Variants in HSF2BP observed in about 807,000 individuals in gnomAD.
The protein encoded by HSF2BP is heat shock factor 2-binding protein.
A neutral mutation model predicts 35.0 loss-of-function variants in HSF2BP; 35 were observed. The ratio of observed to expected loss-of-function variants is 1.00; its 90% confidence interval spans 0.76 to 1.32. The LOEUF is 1.32. Ranked by LOEUF, HSF2BP falls within the 40% of genes most tolerant of loss-of-function variation. The probability of loss-of-function intolerance (pLI) is 0.00; values close to 1 mark genes in which losing one functional copy is unlikely to be tolerated. For synonymous variants in HSF2BP, 114 were observed against 117.4 expected (o/e 0.97, Z 0.18); for missense variants, 326 against 321.7 (o/e 1.01, Z -0.10).
At chr21:43,630,497 C>T (rs748388677) in intron 5 of HSF2BP, 43 bp from the exon 6 acceptor site, 10 of 1,576,240 alleles carry the variant, frequency 6.3e-6, no homozygotes, top group Middle Eastern at 1.7e-4. Context: ...TTTACAGACA[C>T]TAGTGTGAAA....
intron 6 of HSF2BP, among the ~76,000 whole-genome samples, chr21:43,628,172 C>T (rs1320649692): frequency 2.0e-5 from 3 of 152,192 alleles, no homozygotes; most frequent in Non-Finnish European, 4.4e-5. Flanking sequence ...AGATACATAT[C>T]TGAAAGCAAA....
intron 8 of HSF2BP, among the ~76,000 whole-genome samples, chr21:43,579,674 C>G (rs889454981): frequency 6.6e-6 from 1 of 152,160 alleles, no homozygotes; most frequent in African/African-American, 2.4e-5. Flanking sequence ...CCTAAGCCAC[C>G]CTTGTGCCTG....
intron 7 of HSF2BP, among the ~76,000 whole-genome samples, chr21:43,594,612 C>T (rs1011671582): frequency 6.6e-6 from 1 of 151,500 alleles, no homozygotes; most frequent in African/African-American, 2.4e-5. Context: ...ATCTTAGTGA[C>T]TTTGAAAGAA....
intron 7 of HSF2BP, among the ~76,000 whole-genome samples, chr21:43,599,867 C>CAA (rs11379827): frequency 0.012 from 1,561 of 132,462 alleles, 19 homozygotes; most frequent in Middle Eastern, 0.042. Flanking sequence ...CTTCCAATGA[C>CAA]AAAAAAAAAA....
At chr21:43,657,804 G>T (rs979334094) in intron 2 of HSF2BP, 9 of 981,912 alleles carry the variant, frequency 9.2e-6, no homozygotes, top group Non-Finnish European at 1.1e-5. Context: ...TCCCATGCCC[G>T]CTTTGGCGCC....
chr21:43,584,422 C>G (rs899071031), intron 8 of HSF2BP, among the ~76,000 whole-genome samples: 2 of 152,176 alleles, frequency 1.3e-5, no homozygotes, highest in African/African-American at 4.8e-5. Context: ...TTTTATTCAG[C>G]CTTTTTATTC....
At chr21:43,588,470 T>C (rs759420757) in intron 8 of HSF2BP, among the ~76,000 whole-genome samples, 2 of 151,772 alleles carry the variant, frequency 1.3e-5, no homozygotes, top group East Asian at 1.9e-4. Context: ...GTAGCGTTGT[T>C]GGGAAACAGG....
chr21:43,650,113 T>C (rs1444317862), intron 3 of HSF2BP, among the ~76,000 whole-genome samples: 1 of 152,256 alleles, frequency 6.6e-6, no homozygotes, highest in Non-Finnish European at 1.5e-5. Context: ...TACTTACTGA[T>C]TTTATAAGTC....
chr21:43,656,753 G>T lies in HSF2BP; in HGVS notation c.37-16C>A. On this transcript the variant is annotated splice_polypyrimidine_tract_variant and intron_variant, in intron 2 of 8. Coordinates refer to ENST00000291560, the MANE Select transcript of HSF2BP (RefSeq NM_007031.2). Reference sequence around the variant, plus strand: ...TTCCCATGTGCTAAAAGAACAAGCAGATCTTATTATATTTCTCTTCACATG... The same window carrying T: ...TTCCCATGTGCTAAAAGAACAAGCATATCTTATTATATTTCTCTTCACATG... The T allele has an allele frequency of 6.3e-7, 1 of 1,596,314 alleles. No individual in the cohort carries two copies. Among genetic ancestry groups the T allele is most frequent in the African/African-American group, 1.4e-5 (1 of 73,864 alleles).
intron 8 of HSF2BP, among the ~76,000 whole-genome samples, chr21:43,587,877 T>C (rs2081875466): frequency 6.6e-6 from 1 of 152,084 alleles, no homozygotes; most frequent in Admixed American, 6.6e-5. Flanking sequence ...AAGATGAAAC[T>C]CATTACAATT....
intron 6 of HSF2BP, among the ~76,000 whole-genome samples, chr21:43,618,763 C>T (rs1351311407): frequency 2.0e-5 from 3 of 149,950 alleles, no homozygotes; most frequent in African/African-American, 4.9e-5. Context: ...GGTGAAACCC[C>T]GTCTCTACTA....
intron 8 of HSF2BP, among the ~76,000 whole-genome samples, chr21:43,589,322 C>T (rs937595462): frequency 3.9e-5 from 6 of 152,192 alleles, no homozygotes; most frequent in Non-Finnish European, 8.8e-5. Context: ...GCTCTTAACA[C>T]ATGAAGAAAC....
intron 7 of HSF2BP, among the ~76,000 whole-genome samples, chr21:43,595,665 A>G (rs1264715233): frequency 6.6e-6 from 1 of 151,842 alleles, no homozygotes; most frequent in Non-Finnish European, 1.5e-5. Flanking sequence ...CTCAAAAATA[A>G]TAACTAAAAA....
chr21:43,619,469 A>G (rs1171950382), intron 6 of HSF2BP, among the ~76,000 whole-genome samples: 4 of 152,240 alleles, frequency 2.6e-5, no homozygotes, highest in African/African-American at 9.6e-5. Flanking sequence ...ATCAGCAGCA[A>G]TATCCCAGAA....
At chr21:43,581,880 GATGAGGGCCTGCTGTGGGGA>G (rs975298690) in intron 8 of HSF2BP, among the ~76,000 whole-genome samples, 1 of 41,508 alleles carries the variant, frequency 2.4e-5, no homozygotes, top group Non-Finnish European at 5.1e-5. Flanking sequence ...TGCTGTGGGG[GATGAGGGCCTGCTGTGGGGA>G]ATGAGGCCCT....
chr21:43,632,271 TCCC>T (rs1364461461), intron 5 of HSF2BP, among the ~76,000 whole-genome samples: 1 of 9,914 alleles, frequency 1.0e-4, no homozygotes, highest in Non-Finnish European at 1.6e-4. Flanking sequence ...ACACACACGC[TCCC>T]CCCACACACA....
At chr21:43,623,672 G>A (rs1379144789) in intron 6 of HSF2BP, among the ~76,000 whole-genome samples, 1 of 152,058 alleles carries the variant, frequency 6.6e-6, no homozygotes, top group Non-Finnish European at 1.5e-5. Context: ...AAGTCACCTG[G>A]GTCAAGGTTC....
intron 2 of HSF2BP, 74 bp downstream of exon 2, chr21:43,657,987 C>T (rs2082901182): frequency 3.9e-6 from 6 of 1,529,826 alleles, no homozygotes; most frequent in African/African-American, 1.4e-5. Context: ...TCCGAGCGCA[C>T]GGGGCGAGGC....
chr21:43,594,334 C>T (rs1028758110), intron 7 of HSF2BP, among the ~76,000 whole-genome samples: 13 of 152,078 alleles, frequency 8.5e-5, no homozygotes, highest in African/African-American at 3.1e-4. Context: ...GAAGTAAACA[C>T]TGGGGGGTAA....
Sources: allele counts gnomAD v4.1 joint callset (sites outside exome capture counted in the v4.1 genomes callset), GRCh38; gene constraint gnomAD v4.1.1; transcripts MANE v1.5; gene names NCBI Gene and HGNC (gene_info 2026-07-23, HGNC 2026-07-21).